The following KDM2A variants were observed in gnomAD, a reference collection of about 807,000 sequenced individuals.
KDM2A encodes lysine demethylase 2A.
A neutral mutation model predicts 137.3 loss-of-function variants in KDM2A; 3 were observed. That is an observed-to-expected ratio of 0.02 (90% CI 0.01 to 0.06). The LOEUF is 0.06. KDM2A is among the 10% of genes least tolerant of loss of function. The probability of loss-of-function intolerance (pLI) is 1.00; values close to 1 mark genes in which losing one functional copy is unlikely to be tolerated. For missense variants in KDM2A, 738 were observed against 1,510.6 expected (o/e 0.49, Z 8.48); for synonymous variants, 512 against 541.5 (o/e 0.95, Z 0.76).
intron 2 of KDM2A, among the ~76,000 whole-genome samples, chr11:67,179,657 T>C (rs1305903116): frequency 6.6e-6 from 1 of 152,224 alleles, no homozygotes; most frequent in Non-Finnish European, 1.5e-5. Context: ...AAATGTGTTT[T>C]TGAGATTGCT....
intron 2 of KDM2A, among the ~76,000 whole-genome samples, chr11:67,129,807 A>G (rs1367109778): frequency 6.6e-6 from 1 of 151,002 alleles, no homozygotes; most frequent in African/African-American, 2.4e-5. Context: ...GCTACCCAGG[A>G]GGCTGAGACA....
intron 12 of KDM2A, among the ~76,000 whole-genome samples, chr11:67,233,420 G>A (rs1216573493): frequency 7.1e-6 from 1 of 140,444 alleles, no homozygotes; most frequent in Non-Finnish European, 1.5e-5. Context: ...TTGGGAGGCC[G>A]AGGCAGGTAG....
chr11:67,168,735 G>C (rs946182252), intron 2 of KDM2A, among the ~76,000 whole-genome samples: 1 of 151,538 alleles, frequency 6.6e-6, no homozygotes, highest in Non-Finnish European at 1.5e-5. Context: ...AGCAGTGCTG[G>C]GTTTTCAAAA....
At chr11:67,124,638 A>T (rs1161919086) in intron 2 of KDM2A, among the ~76,000 whole-genome samples, 2 of 108,140 alleles carry the variant, frequency 1.8e-5, no homozygotes, top group African/African-American at 6.0e-5. Context: ...TTTTTTTTTT[A>T]AACAAGGTAG....
At chr11:67,122,821 G>A (rs1051822448) in intron 2 of KDM2A, among the ~76,000 whole-genome samples, 5 of 151,700 alleles carry the variant, frequency 3.3e-5, no homozygotes, top group East Asian at 1.9e-4. Context: ...GACTATCGGC[G>A]CCCACCACTA....
chr11:67,130,065 T>C (rs1307391994), intron 2 of KDM2A, among the ~76,000 whole-genome samples: 1 of 150,572 alleles, frequency 6.6e-6, no homozygotes, highest in African/African-American at 2.4e-5. Context: ...CGGGTTCAAG[T>C]GATTCTTCAG....
At chr11:67,149,722 CT>C (rs368037059) in intron 2 of KDM2A, among the ~76,000 whole-genome samples, 996 of 134,896 alleles carry the variant, frequency 7.4e-3, no homozygotes, top group Non-Finnish European at 9.1e-3. Flanking sequence ...GTATTAGAAT[CT>C]TTTTTTTTTT....
chr11:67,222,215 C>A (rs1858383036), intron 10 of KDM2A, among the ~76,000 whole-genome samples: 1 of 105,770 alleles, frequency 9.5e-6, no homozygotes. Context: ...GCAGAGGACC[C>A]TGCGGCCTTC....
intron 5 of KDM2A, among the ~76,000 whole-genome samples, chr11:67,189,711 A>T (rs1343016090): frequency 6.6e-6 from 1 of 151,928 alleles, no homozygotes; most frequent in Non-Finnish European, 1.5e-5. Flanking sequence ...ATGATGGTGG[A>T]CACCTGTAGT....
At chr11:67,179,659 G>GA (rs1857045448) in intron 2 of KDM2A, among the ~76,000 whole-genome samples, 1 of 152,152 alleles carries the variant, frequency 6.6e-6, no homozygotes, top group African/African-American at 2.4e-5. Context: ...ATGTGTTTTT[G>GA]AGATTGCTTT....
chr11:67,195,048 C>T (rs895494750), intron 5 of KDM2A, among the ~76,000 whole-genome samples: 11 of 152,104 alleles, frequency 7.2e-5, no homozygotes, highest in African/African-American at 2.7e-4. Flanking sequence ...AGAATATATG[C>T]AATTCTGGAC....
chr11:67,144,435 A>G (rs573215118), intron 2 of KDM2A, among the ~76,000 whole-genome samples: 1 of 151,790 alleles, frequency 6.6e-6, no homozygotes, highest in Admixed American at 6.6e-5. Context: ...TATTTTTAGT[A>G]GAGTTGGGGT....
At chr11:67,247,656 A>G (rs1215239641) in intron 15 of KDM2A, among the ~76,000 whole-genome samples, 3 of 151,464 alleles carry the variant, frequency 2.0e-5, no homozygotes, top group African/African-American at 4.9e-5. Flanking sequence ...AACTCCTGGC[A>G]TCAAGTGATT....
chr11:67,165,775 T>G (rs1428215880), intron 2 of KDM2A, among the ~76,000 whole-genome samples: 4 of 152,164 alleles, frequency 2.6e-5, no homozygotes, highest in Non-Finnish European at 5.9e-5. Flanking sequence ...GATCTAGAGT[T>G]AGTGTTTTTT....
At chr11:67,219,061 T>C (rs1394306673) in intron 9 of KDM2A, among the ~76,000 whole-genome samples, 1 of 152,244 alleles carries the variant, frequency 6.6e-6, no homozygotes, top group Non-Finnish European at 1.5e-5. Context: ...GTGCTAAGCA[T>C]TTGATGTGCA....
rs114051741 is a variant in KDM2A at position 67,245,028 on chromosome 11, G to A, written c.1564-161G>A. Reference sequence around the variant, plus strand: ...GCAGCCATTGATAATACATACACAAGATGAGTTGTGTGTCAATAAAATTTA... The same window carrying A: ...GCAGCCATTGATAATACATACACAAAATGAGTTGTGTGTCAATAAAATTTA... On this transcript the variant is annotated intron_variant, in intron 13 of 20. Coordinates refer to ENST00000529006, the MANE Select transcript of KDM2A (RefSeq NM_012308.3). The surrounding 1 kb of genome is among the most constrained non-coding windows in gnomAD (Gnocchi z 4.1). 5.7e-3 allele frequency: 3,871 copies of A among 674,158 alleles called. 109 individuals carry two copies. The African/African-American group carries it at 0.063, about 11-fold the overall frequency. 41.8% of individuals were successfully genotyped at this position (674,158 alleles called of 1,614,324 possible). A position where few individuals can be genotyped will look rare whatever the true frequency, so the allele number is the denominator to read the frequency against.
chr11:67,234,649 T>G (rs11227746), intron 12 of KDM2A, among the ~76,000 whole-genome samples: 18,332 of 152,178 alleles, frequency 0.12, 3,092 homozygotes, highest in African/African-American at 0.38. Context: ...CAGGCAGATC[T>G]CTTGAGACCA....
chr11:67,148,950 A>C (rs1033312213), intron 2 of KDM2A: 5 of 152,186 alleles, frequency 3.3e-5, no homozygotes, highest in African/African-American at 1.2e-4. Context: ...GATCTACTTA[A>C]ATCTTGTAAA....
intron 5 of KDM2A, among the ~76,000 whole-genome samples, chr11:67,188,598 C>T (rs1178798892): frequency 2.6e-5 from 4 of 151,764 alleles, no homozygotes; most frequent in Non-Finnish European, 4.4e-5. Context: ...TGAGACTACC[C>T]TGGGTAACGT....
Sources: gnomAD v4.1 joint callset for allele counts (sites outside exome capture counted in the v4.1 genomes callset) on GRCh38, gnomAD v4.1.1 for gene constraint, Gnocchi (gnomAD v3.1) non-coding constraint, MANE v1.5 for transcripts, NCBI Gene and HGNC (gene_info 2026-07-23, HGNC 2026-07-21) for gene names.